PTK7: variants seen among roughly 807,000 people sequenced by gnomAD.
PTK7 encodes protein tyrosine kinase 7 (inactive).
Under a neutral mutation model 116.6 loss-of-function variants are expected in PTK7, and 39 were observed. That is an observed-to-expected ratio of 0.33 (90% CI 0.26 to 0.44). The LOEUF (loss-of-function observed/expected upper bound fraction) is 0.44. PTK7 is among the 20% of genes least tolerant of loss of function. PTK7 has a pLI of 1.00. For synonymous variants in PTK7, 546 were observed against 563.6 expected, an observed-to-expected ratio of 0.97 and a Z score of 0.44; for missense variants, 1,169 against 1,425.6, an observed-to-expected ratio of 0.82 and a Z score of 2.90.
intron 1 of PTK7, among the ~76,000 whole-genome samples, chr6:43,093,816 TAC>T (rs1390919294): frequency 1.3e-5 from 2 of 152,128 alleles, no homozygotes; most frequent in African/African-American, 4.8e-5. Context: ...AAAATGAAAG[TAC>T]ACTCCACAGT....
At chr6:43,127,269 C>T (rs1309108379) in intron 1 of PTK7, among the ~76,000 whole-genome samples, 5 of 152,098 alleles carry the variant, frequency 3.3e-5, no homozygotes, top group Admixed American at 6.5e-5. Flanking sequence ...CTTCCGGGGG[C>T]GGGGGGATCA....
chr6:43,147,654 C>T (rs1770800734), intron 17 of PTK7, among the ~76,000 whole-genome samples: 1 of 152,200 alleles, frequency 6.6e-6, no homozygotes, highest in African/African-American at 2.4e-5. Flanking sequence ...GCAGATGAAT[C>T]AGGTGAATGG....
chr6:43,113,832 C>A (rs1768332236), intron 1 of PTK7, among the ~76,000 whole-genome samples: 1 of 152,178 alleles, frequency 6.6e-6, no homozygotes, highest in Non-Finnish European at 1.5e-5. Flanking sequence ...TGTATTCTTC[C>A]TGGTGAATTA....
Position 43,099,175 on chromosome 6 carries a change from G to A in PTK7, c.79+22608G>A, listed in dbSNP as rs1372559303. Among the ~76,000 whole-genome samples, 54 of 149,806 alleles carry A rather than the reference G, an allele frequency of 3.6e-4. 1 individual carries two copies. The highest frequency in any genetic ancestry group is 2.7e-4 in the Admixed American group (4 of 15,040). ...AATGTAGAAAAATAAAAGGACAATAGGTAAAACAAAGAAAAAAAAAGAGGC... is the reference window on the plus strand; with the variant it reads ...AATGTAGAAAAATAAAAGGACAATAAGTAAAACAAAGAAAAAAAAAGAGGC... On this transcript the variant is annotated intron_variant, in intron 1 of 19. Transcript: ENST00000230419.
chr6:43,123,101 G>A (rs1344923775), intron 1 of PTK7, among the ~76,000 whole-genome samples: 1 of 152,078 alleles, frequency 6.6e-6, no homozygotes, highest in African/African-American at 2.4e-5. Flanking sequence ...CTCAGCCAGG[G>A]TCTTTCTATC....
At chr6:43,146,513 T>G in intron 16 of PTK7, 105 bp from the exon 17 acceptor site, 1 of 1,084,906 alleles carries the variant, frequency 9.2e-7, no homozygotes, top group Non-Finnish European at 1.4e-6. Context: ...TTAGGCCTTC[T>G]CACTGCCTCC....
At position 43,160,960 on chromosome 6, in the gene PTK7, C is replaced by T. The variant is rs1171853225; in HGVS notation, c.*79C>T. ...GCTCACAGCATGATGGGCAAGATCCCTGTCCTCCTGGGCCCTGAGGCCCCT... is the reference window on the plus strand; with the variant it reads ...GCTCACAGCATGATGGGCAAGATCCTTGTCCTCCTGGGCCCTGAGGCCCCT... On this transcript the variant is annotated 3_prime_UTR_variant, in exon 20 of 20. Transcript: ENST00000230419. 31 of 1,536,002 alleles carry T rather than the reference C, an allele frequency of 2.0e-5. No homozygotes were observed. In the East Asian group the frequency reaches 7.0e-4, roughly 34 times the overall value.
intron 1 of PTK7, among the ~76,000 whole-genome samples, chr6:43,082,718 A>G (rs1766447459): frequency 6.6e-6 from 1 of 152,202 alleles, no homozygotes; most frequent in Non-Finnish European, 1.5e-5. Flanking sequence ...TTTAAATTGA[A>G]TTAGATTTTG....
intron 5 of PTK7, among the ~76,000 whole-genome samples, chr6:43,131,029 TCA>T (rs3222659): frequency 0.15 from 20,374 of 133,376 alleles, 1,386 homozygotes; most frequent in East Asian, 0.28. Flanking sequence ...GGCAAAGACA[TCA>T]CACACACACA....
chr6:43,131,251 G>A (rs1056941023), intron 5 of PTK7, among the ~76,000 whole-genome samples: 15 of 152,114 alleles, frequency 9.9e-5, no homozygotes, highest in African/African-American at 3.4e-4. Flanking sequence ...CTTCAGCCCT[G>A]AGGACATCAT....
At chr6:43,121,636 C>G (rs181579699) in intron 1 of PTK7, among the ~76,000 whole-genome samples, 1 of 152,318 alleles carries the variant, frequency 6.6e-6, no homozygotes, top group African/African-American at 2.4e-5. Context: ...CCCTTATGCT[C>G]TGGGCTCACC....
intron 1 of PTK7, among the ~76,000 whole-genome samples, chr6:43,119,925 G>A (rs961279028): frequency 1.3e-5 from 2 of 152,190 alleles, no homozygotes; most frequent in African/African-American, 4.8e-5. Flanking sequence ...ACCTTTGGAA[G>A]GGGTCTGCTT....
In PTK7 at chr6:43,141,928, C is replaced by T. The variant is rs759785440; in HGVS notation, c.1769-3C>T. On this transcript the variant is annotated splice_polypyrimidine_tract_variant and splice_region_variant and intron_variant, in intron 11 of 19. Transcript: ENST00000230419. This position sits in a 1 kb window ranked among gnomAD's most constrained non-coding sequence, Gnocchi z 4.9. ...TGCGCCTCGCTGGTCTCTTTTCTTC[C>T]AGTTTTTATCACCTTCAAAGTGGAA... The T allele has an allele frequency of 1.2e-6, 2 of 1,601,628 alleles. No homozygotes were observed. The highest frequency in any genetic ancestry group is 1.1e-5 in the South Asian group (1 of 90,536).
Position 43,139,609 on chromosome 6 carries a change from A to G in PTK7, c.1618+84A>G. The G allele has an allele frequency of 6.4e-7, 1 of 1,569,614 alleles. No homozygotes were observed. The highest frequency in any genetic ancestry group is 8.6e-7 in the Non-Finnish European group (1 of 1,157,760). ...ACCTGAGGGCTGCTGGGTGCCCCGC[A>G]CTGTGCCAGGAAATGTGGAGATTAG... On this transcript the variant is annotated intron_variant, in intron 10 of 19. Transcript: ENST00000230419. This position sits in a 1 kb window ranked among gnomAD's most constrained non-coding sequence, Gnocchi z 4.6.
Position 43,130,607 on chromosome 6 carries a change from C to T in PTK7, c.758C>T (p.Pro253Leu). Residue 253 changes from proline (P) to leucine (L), a missense_variant, in exon 5 of 20, where the codon CCC becomes CTC. Coordinates refer to ENST00000230419, the MANE Select transcript of PTK7 (RefSeq NM_002821.5). ...MFHCQFSAQPPPSLQWLFEDE... is the reference protein window; with the variant it reads ...MFHCQFSAQPLPSLQWLFEDE... Reference sequence around the variant, plus strand: ...CATTGCCAGTTCTCAGCCCAGCCACCCCCGAGCCTGCAGTGGCTCTTTGAG... The same window carrying T: ...CATTGCCAGTTCTCAGCCCAGCCACTCCCGAGCCTGCAGTGGCTCTTTGAG... The T allele has an allele frequency of 6.2e-7, 1 of 1,614,194 alleles. No homozygotes were observed. The highest frequency in any genetic ancestry group is 8.5e-7 in the Non-Finnish European group (1 of 1,180,038).
Position 43,159,918 on chromosome 6 carries a change from C to G in PTK7, c.3004C>G (p.His1002Asp). The change falls in exon 19 of 20, where the codon CAT (histidine) becomes GAT (aspartate). Residue 1002 changes from histidine (H) to aspartate (D), a missense_variant. This residue lies in a region of PTK7 where 678 missense variants were observed against 853.8 expected (regional missense o/e 0.79). Transcript: ENST00000230419. ...TGTGCTGATGTGGGAAGTGTTTACACATGGAGAGATGCCCCATGGTGGGCA... is the reference window on the plus strand; with the variant it reads ...TGTGCTGATGTGGGAAGTGTTTACAGATGGAGAGATGCCCCATGGTGGGCA... ...FGVLMWEVFT[H>D]GEMPHGGQAD... is the part of the protein sequence containing the mutation. 3 of 1,614,212 alleles carry G rather than the reference C, an allele frequency of 1.9e-6. No individual in the cohort carries two copies. In the African/African-American group the frequency reaches 4.0e-5, roughly 22 times the overall value.
At chr6:43,158,711 T>C in intron 17 of PTK7, 106 bp from the exon 18 acceptor site, 1 of 1,250,634 alleles carries the variant, frequency 8.0e-7, no homozygotes, top group Non-Finnish European at 1.1e-6. Flanking sequence ...CTGGGCTTCC[T>C]ACGCAGCACA....
At position 43,117,243 on chromosome 6, in the gene PTK7, A is replaced by T. The variant is rs149217757; in HGVS notation, c.80-11734A>T. ...ACTGGGGAGAAGAGCAGGATGTAGG[A>T]GAAGGCCACAGAGAAGGATCCTCAA... On this transcript the variant is annotated intron_variant, in intron 1 of 19. Transcript: ENST00000230419. 2.3e-3 allele frequency among the ~76,000 whole-genome samples: 348 copies of T among 152,332 alleles called. 5 individuals carry two copies. Among genetic ancestry groups the T allele is most frequent in the Non-Finnish European group, 3.7e-3 (249 of 68,018 alleles).
intron 1 of PTK7, among the ~76,000 whole-genome samples, chr6:43,111,129 C>T (rs1248324656): frequency 6.6e-6 from 1 of 152,188 alleles, no homozygotes; most frequent in African/African-American, 2.4e-5. Context: ...GTAAATGAAA[C>T]TATAAGCAAC....
Sources: gnomAD v4.1 joint callset for allele counts (sites outside exome capture counted in the v4.1 genomes callset) on GRCh38, gnomAD v4.1.1 for gene constraint, gnomAD v4.1.1 regional missense constraint, Gnocchi (gnomAD v3.1) non-coding constraint, MANE v1.5 for transcripts, NCBI Gene and HGNC (gene_info 2026-07-23, HGNC 2026-07-21) for gene names.